The following AXDND1 variants were observed in gnomAD, a reference collection of about 807,000 sequenced individuals.
AXDND1 encodes axonemal dynein light chain domain containing 1.
In AXDND1, 110 loss-of-function variants were observed where a neutral mutation model predicts 137.5. The observed-to-expected ratio is 0.80, with a 90% CI of 0.69 to 0.94. The LOEUF is 0.94. Among genes scored for constraint, AXDND1 ranks in the 40% least tolerant of loss-of-function variants. The pLI is 0.00. For synonymous variants in AXDND1, 414 were observed against 399.7 expected (o/e 1.04, Z -0.43); for missense variants, 1,191 against 1,169.8 (o/e 1.02, Z -0.26).
chr1:179,523,699 A>G (rs577363217), intron 21 of AXDND1, among the ~76,000 whole-genome samples: 2 of 152,286 alleles, frequency 1.3e-5, no homozygotes, highest in South Asian at 2.1e-4. Flanking sequence ...TGTTGCCTGC[A>G]TCAGAACATC....
At chr1:179,462,583 C>T (rs1326591477) in intron 16 of AXDND1, among the ~76,000 whole-genome samples, 2 of 152,164 alleles carry the variant, frequency 1.3e-5, no homozygotes, top group Non-Finnish European at 2.9e-5. Context: ...GGCGGATTCC[C>T]TCTTTTTCTA....
chr1:179,552,411 A>C, intron 25 of AXDND1: 1 of 630,358 alleles, frequency 1.6e-6, no homozygotes, highest in East Asian at 2.8e-5. Context: ...GTAGCTTCAG[A>C]GAGGGAGAGG....
chr1:179,521,591 T>G (rs1670063563), intron 21 of AXDND1, among the ~76,000 whole-genome samples: 1 of 152,170 alleles, frequency 6.6e-6, no homozygotes, highest in Non-Finnish European at 1.5e-5. Flanking sequence ...GCATTGGAGC[T>G]GATTTATAAT....
intron 25 of AXDND1, among the ~76,000 whole-genome samples, chr1:179,537,649 A>T (rs1022948015): frequency 6.6e-6 from 1 of 152,166 alleles, no homozygotes; most frequent in South Asian, 2.1e-4. Flanking sequence ...TTGGTCAAAA[A>T]TTCTCTTTTT....
intron 2 of AXDND1, among the ~76,000 whole-genome samples, chr1:179,367,349 A>G (rs1489202946): frequency 6.6e-6 from 1 of 151,804 alleles, no homozygotes; most frequent in African/African-American, 2.4e-5. Flanking sequence ...AACTCTGTCT[A>G]CTAAAAATAC....
chr1:179,409,980 G>A (rs187421449), intron 11 of AXDND1, among the ~76,000 whole-genome samples: 9 of 152,026 alleles, frequency 5.9e-5, no homozygotes, highest in South Asian at 4.2e-4. Context: ...TTAAATTAGG[G>A]TCATTAATTC....
chr1:179,505,647 CAA>C (rs796584155), intron 20 of AXDND1, among the ~76,000 whole-genome samples: 6 of 111,378 alleles, frequency 5.4e-5, no homozygotes, highest in Admixed American at 9.7e-5. Context: ...AACTCCATCT[CAA>C]AAAAAAAAAA....
At chr1:179,525,817 A>G (rs960731056) in intron 22 of AXDND1, among the ~76,000 whole-genome samples, 2 of 152,088 alleles carry the variant, frequency 1.3e-5, no homozygotes, top group Non-Finnish European at 2.9e-5. Context: ...ATACACAGAC[A>G]TATATAGTGG....
intron 12 of AXDND1, among the ~76,000 whole-genome samples, chr1:179,414,612 A>G (rs1222160346): frequency 6.6e-6 from 1 of 151,950 alleles, no homozygotes; most frequent in Non-Finnish European, 1.5e-5. Context: ...TTTTTAGTAG[A>G]GAGGGGGTTT....
intron 17 of AXDND1, among the ~76,000 whole-genome samples, chr1:179,478,212 C>T (rs12734672): frequency 0.52 from 79,004 of 152,014 alleles, 21,231 homozygotes; most frequent in East Asian, 0.76. Flanking sequence ...GGACAGTGGC[C>T]GTTTTCTCAC....
intron 10 of AXDND1, among the ~76,000 whole-genome samples, chr1:179,394,750 C>A (rs1000381476): frequency 2.0e-5 from 3 of 152,020 alleles, no homozygotes; most frequent in Admixed American, 1.3e-4. Flanking sequence ...AACCTTGAAG[C>A]AAGATGGTTA....
At chr1:179,402,042 T>G (rs1558126497) in intron 11 of AXDND1, among the ~76,000 whole-genome samples, 1 of 151,722 alleles carries the variant, frequency 6.6e-6, no homozygotes, top group Non-Finnish European at 1.5e-5. Flanking sequence ...CGTGGTGGCA[T>G]GCGCCTGCAG....
chr1:179,457,464 C>T (rs1175894146), intron 16 of AXDND1: 2 of 223,198 alleles, frequency 9.0e-6, no homozygotes, highest in African/African-American at 2.3e-5. Flanking sequence ...GTAGTATTTA[C>T]TTTCCAAACA....
chr1:179,469,480 A>T (rs180796096), intron 17 of AXDND1, among the ~76,000 whole-genome samples: 2 of 152,190 alleles, frequency 1.3e-5, no homozygotes, highest in East Asian at 3.9e-4. Flanking sequence ...ATTCATGTGC[A>T]TGCTTTTTGT....
chr1:179,492,976 T>C (rs755286182), intron 20 of AXDND1, 25 bp downstream of exon 20: 1 of 1,491,538 alleles, frequency 6.7e-7, no homozygotes. Flanking sequence ...TTCCCCTTAG[T>C]TTTGTTTTTG....
intron 16 of AXDND1, among the ~76,000 whole-genome samples, chr1:179,467,213 A>G (rs1462823166): frequency 6.6e-6 from 1 of 152,188 alleles, no homozygotes; most frequent in African/African-American, 2.4e-5. Flanking sequence ...TGTCTGAGGC[A>G]ACCCTGAACC....
chr1:179,380,528 T>G (rs1056318537), intron 6 of AXDND1, among the ~76,000 whole-genome samples: 1 of 152,218 alleles, frequency 6.6e-6, no homozygotes, highest in Non-Finnish European at 1.5e-5. Context: ...AGACTCATTA[T>G]CTTGTCATCT....
intron 20 of AXDND1, chr1:179,506,850 C>T (rs1212042443): frequency 2.0e-6 from 2 of 985,310 alleles, no homozygotes; most frequent in East Asian, 2.3e-4. Context: ...ACTGCCGGTT[C>T]CAGGATTTGG....
chr1:179,455,062 C>T (rs1661104305), intron 16 of AXDND1: 1 of 149,886 alleles, frequency 6.7e-6, no homozygotes, highest in Non-Finnish European at 1.5e-5. Context: ...TGCCACTGCA[C>T]TCCCGCCTGG....
Sources: allele counts gnomAD v4.1 joint callset (sites outside exome capture counted in the v4.1 genomes callset), GRCh38; gene constraint gnomAD v4.1.1; transcripts MANE v1.5; gene names NCBI Gene and HGNC (gene_info 2026-07-23, HGNC 2026-07-21).